TTC28: variants seen among roughly 807,000 people sequenced by gnomAD.
TTC28 encodes tetratricopeptide repeat domain 28, also known as tetratricopeptide repeat protein 28.
A neutral mutation model predicts 198.0 loss-of-function variants in TTC28; 61 were observed. The ratio of observed to expected loss-of-function variants is 0.31; its 90% CI spans 0.25 to 0.38. The LOEUF (loss-of-function observed/expected upper bound fraction) is 0.38, where lower values mean the gene tolerates loss of function less well. Ranked by LOEUF, TTC28 falls within the 10% of genes least tolerant of loss-of-function variation. The pLI, the probability that TTC28 is intolerant of heterozygous loss-of-function variation, is 1.00. For missense variants in TTC28, 2,678 were observed against 3,164.0 expected (o/e 0.85, Z 3.69); for synonymous variants, 1,171 against 1,297.8 (o/e 0.90, Z 2.10).
rs999713419 is a variant in TTC28 at position 27,998,376 on chromosome 22, T to C, written c.5119+164A>G. The C allele has an allele frequency of 1.1e-5, 13 of 1,209,216 alleles. No individual in the cohort carries two copies. The African/African-American group carries it at 2.0e-4, about 19-fold the overall frequency. 74.9% of individuals were successfully genotyped at this position (1,209,216 alleles called of 1,614,324 possible). On this transcript the variant is annotated intron_variant, in intron 16 of 22. Coordinates refer to ENST00000397906, the MANE Select transcript of TTC28 (RefSeq NM_001145418.2). The stretch of plus-strand genomic sequence containing the variant: ...TGATCTTAATAGTAGGAAAAACTCA[T>C]TTGGCAGAAGCAAGACTCAGCACAC...
At chr22:28,540,824 T>A (rs531287794) in intron 2 of TTC28, among the ~76,000 whole-genome samples, 1 of 152,100 alleles carries the variant, frequency 6.6e-6, no homozygotes, top group Admixed American at 6.5e-5. Context: ...GGGGAAAAAA[T>A]TGATATCTGA....
chr22:28,574,389 T>C (rs2050113406), intron 2 of TTC28, among the ~76,000 whole-genome samples: 1 of 152,072 alleles, frequency 6.6e-6, no homozygotes, highest in East Asian at 1.9e-4. Context: ...TGTGTGAGTG[T>C]GTGTGTGTTC....
At chr22:28,579,463 C>A (rs2050201257) in intron 2 of TTC28, among the ~76,000 whole-genome samples, 1 of 147,598 alleles carries the variant, frequency 6.8e-6, no homozygotes. Flanking sequence ...ATATACATAG[C>A]TACATATTAC....
At chr22:28,497,648 T>C (rs1324157578) in intron 2 of TTC28, among the ~76,000 whole-genome samples, 2 of 152,138 alleles carry the variant, frequency 1.3e-5, no homozygotes, top group African/African-American at 4.8e-5. Flanking sequence ...ACAATAAAAC[T>C]ACAGTGGGCG....
chr22:28,207,995 A>G (rs571025614), intron 5 of TTC28, among the ~76,000 whole-genome samples: 1 of 152,266 alleles, frequency 6.6e-6, no homozygotes, highest in South Asian at 2.1e-4. Context: ...TGCTGCATCT[A>G]TGACTACTCT....
chr22:28,462,390 G>A (rs2047962345), intron 2 of TTC28, among the ~76,000 whole-genome samples: 2 of 152,286 alleles, frequency 1.3e-5, no homozygotes, highest in South Asian at 4.1e-4. Context: ...CCCAGTCTAG[G>A]TCCTAAAAGA....
Position 28,105,535 on chromosome 22 carries a change from C to T in TTC28, c.3051G>A (p.Leu1017=), listed in dbSNP as rs1196572215. 1 of 1,551,656 alleles carries T rather than the reference C, an allele frequency of 6.4e-7. No homozygotes were observed. The highest frequency in any genetic ancestry group is 2.0e-5 in the Admixed American group (1 of 51,002). The change falls in exon 8 of 23, where the codon CTG becomes CTA. Residue 1017 remains leucine (L), a synonymous_variant. Transcript: ENST00000397906. Reference sequence around the variant, plus strand: ...TCTGTAGATCAAGCTGGTGGTACTGCAGGGCTGTGTCATACTCCCCCATCT... The same window carrying T: ...TCTGTAGATCAAGCTGGTGGTACTGTAGGGCTGTGTCATACTCCCCCATCT... ...YQQMGEYDTA[L]QYHQLDLQIA...
At chr22:28,197,896 T>A (rs570135290) in intron 5 of TTC28, among the ~76,000 whole-genome samples, 2 of 152,062 alleles carry the variant, frequency 1.3e-5, no homozygotes, top group Non-Finnish European at 2.9e-5. Flanking sequence ...CCATCAAACA[T>A]ATGGAAAAAT....
At chr22:28,489,519 T>C (rs1490299024) in intron 2 of TTC28, among the ~76,000 whole-genome samples, 3 of 152,164 alleles carry the variant, frequency 2.0e-5, no homozygotes, top group African/African-American at 7.2e-5. Flanking sequence ...CATCCATATC[T>C]TTTTGTTCTT....
chr22:28,358,410 A>C (rs980348551), intron 2 of TTC28, among the ~76,000 whole-genome samples: 1 of 152,190 alleles, frequency 6.6e-6, no homozygotes, highest in Non-Finnish European at 1.5e-5. Flanking sequence ...CATAATTTAA[A>C]CTGACAGCAT....
chr22:28,243,299 G>C (rs1364966769), intron 5 of TTC28, among the ~76,000 whole-genome samples: 1 of 150,912 alleles, frequency 6.6e-6, no homozygotes, highest in Non-Finnish European at 1.5e-5. Context: ...AGAGGTTGCA[G>C]TGAGCCATGA....
At chr22:28,315,221 G>A (rs991018783) in intron 2 of TTC28, among the ~76,000 whole-genome samples, 1 of 152,028 alleles carries the variant, frequency 6.6e-6, no homozygotes, top group African/African-American at 2.4e-5. Context: ...GATGGGACAA[G>A]GTGAAGCTAA....
At chr22:28,109,552 G>C (rs1173546623) in intron 6 of TTC28, among the ~76,000 whole-genome samples, 3 of 152,198 alleles carry the variant, frequency 2.0e-5, no homozygotes, top group South Asian at 2.1e-4. Flanking sequence ...CAAACCTCAT[G>C]AACCATATTA....
At chr22:28,486,032 A>G (rs1415285352) in intron 2 of TTC28, among the ~76,000 whole-genome samples, 1 of 152,152 alleles carries the variant, frequency 6.6e-6, no homozygotes, top group Admixed American at 6.6e-5. Flanking sequence ...CATCTTGCCA[A>G]AAAGAAGACA....
chr22:28,597,312 C>A (rs2050557808), intron 2 of TTC28, among the ~76,000 whole-genome samples: 1 of 152,148 alleles, frequency 6.6e-6, no homozygotes, highest in Admixed American at 6.5e-5. Context: ...AACTGAAACT[C>A]TACACTCACT....
At chr22:28,661,598 G>A (rs2051748739) in intron 1 of TTC28, among the ~76,000 whole-genome samples, 1 of 151,536 alleles carries the variant, frequency 6.6e-6, no homozygotes, top group African/African-American at 2.4e-5. Context: ...TTGACTGATT[G>A]ATAGACAGAT....
intron 5 of TTC28, among the ~76,000 whole-genome samples, chr22:28,201,509 G>A (rs928984186): frequency 6.6e-6 from 1 of 151,936 alleles, no homozygotes; most frequent in African/African-American, 2.4e-5. Flanking sequence ...AAGGTGAAGG[G>A]GAAGAAGGAC....
chr22:27,989,800 A>G, intron 21 of TTC28, 78 bp downstream of exon 21: 1 of 1,501,264 alleles, frequency 6.7e-7, no homozygotes, highest in Non-Finnish European at 9.0e-7. Flanking sequence ...TACTTTGCCC[A>G]ACAGAAACCA....
At chr22:28,093,530 T>G (rs185009575) in intron 12 of TTC28, among the ~76,000 whole-genome samples, 70 of 152,362 alleles carry the variant, frequency 4.6e-4, no homozygotes, top group Non-Finnish European at 8.8e-4. Flanking sequence ...TGTAAAATAG[T>G]CAATCATTAT....
Sources: gnomAD v4.1 joint callset for allele counts (sites outside exome capture counted in the v4.1 genomes callset) on GRCh38, gnomAD v4.1.1 for gene constraint, MANE v1.5 for transcripts, NCBI Gene and HGNC (gene_info 2026-07-23, HGNC 2026-07-21) for gene names.